The following ASNSD1 variants were observed in gnomAD, a reference collection of about 807,000 sequenced individuals.
The protein encoded by ASNSD1 is asparagine synthetase domain containing 1.
In ASNSD1, 36 loss-of-function variants were observed where a neutral mutation model predicts 48.3. The observed-to-expected ratio is 0.75, with a 90% confidence interval of 0.57 to 0.99. The LOEUF (loss-of-function observed/expected upper bound fraction) is 0.99, where lower values mean the gene tolerates loss of function less well. Among genes scored for constraint, ASNSD1 ranks in the 50% least tolerant of loss-of-function variants. ASNSD1 has a pLI of 0.00. For missense variants in ASNSD1, 714 were observed against 758.2 expected, an observed-to-expected ratio of 0.94 and a Z score of 0.69; for synonymous variants, 257 against 262.1, an observed-to-expected ratio of 0.98 and a Z score of 0.19.
chr2:189,665,496 T>C (rs1204503044), intron 3 of ASNSD1, 45 bp downstream of exon 3: 1 of 392,970 alleles, frequency 2.5e-6, no homozygotes, highest in Non-Finnish European at 4.5e-6. Flanking sequence ...GCCTAAATTA[T>C]ACTCATCTGA....
At chr2:189,669,480 T>C (rs1379800642) in intron 5 of ASNSD1, among the ~76,000 whole-genome samples, 6 of 152,390 alleles carry the variant, frequency 3.9e-5, no homozygotes, top group Non-Finnish European at 4.4e-5. Context: ...TAGATCTAAA[T>C]AATTTATTAC....
chr2:189,665,493 T>C, intron 3 of ASNSD1, 42 bp downstream of exon 3: 1 of 393,722 alleles, frequency 2.5e-6, no homozygotes. Flanking sequence ...GGTGCCTAAA[T>C]TATACTCATC....
chr2:189,665,610 A>ATATATATATATATATATATATATGTG (rs2032776329), intron 3 of ASNSD1, among the ~76,000 whole-genome samples, 159 bp downstream of exon 3: 1 of 20,232 alleles, frequency 4.9e-5, no homozygotes, highest in Non-Finnish European at 1.8e-4. Flanking sequence ...ATATATATAT[A>ATATATATATATATATATATATATGTG]TATATATATA....
In ASNSD1 at chr2:189,667,366, G is replaced by A. The variant is rs754345548; in HGVS notation, c.1234G>A (p.Gly412Arg). ...SVPDRITGRA[G>R]LKELQAVSPS... is the part of the protein sequence containing the mutation. ...ACCAGATCGAATCACAGGAAGGGCGGGACTAAAGGAACTACAAGCTGTTAG... is the reference window on the plus strand; with the variant it reads ...ACCAGATCGAATCACAGGAAGGGCGAGACTAAAGGAACTACAAGCTGTTAG... The change falls in exon 4 of 6, where the codon GGA becomes AGA. Residue 412 changes from glycine (G) to arginine (R), a missense_variant. Physicochemically the swap from Gly to Arg is moderately radical, Grantham distance 125 (BLOSUM62 -2). Transcript: ENST00000260952. 1 of 1,614,132 alleles carries A rather than the reference G, an allele frequency of 6.2e-7. No homozygotes were observed. The highest frequency in any genetic ancestry group is 8.5e-7 in the Non-Finnish European group (1 of 1,180,020).
At chr2:189,664,617 C>T (rs1443486033) in intron 2 of ASNSD1, among the ~76,000 whole-genome samples, 2 of 152,120 alleles carry the variant, frequency 1.3e-5, no homozygotes, top group Non-Finnish European at 2.9e-5. Context: ...ATTAGCCAGG[C>T]GTGTGCCTGT....
chr2:189,667,303 G>A lies in ASNSD1; in HGVS notation c.1171G>A (p.Ala391Thr). The A allele has an allele frequency of 6.2e-7, 1 of 1,614,148 alleles. No homozygotes were observed. Among genetic ancestry groups the A allele is most frequent in the Non-Finnish European group, 8.5e-7 (1 of 1,180,016 alleles). The change falls in exon 4 of 6, where the codon GCT (alanine) becomes ACT (threonine). Residue 391 changes from alanine (A) to threonine (T), a missense_variant. By Grantham distance (58) the Ala-to-Thr change is moderately conservative (BLOSUM62 0). Transcript: ENST00000260952. ...AGAAGAATTCTCTAAAGATGTTGCT[G>A]CTGCTGCTGCTGACAGTCCTAATAA... ...PSEEFSKDVA[A>T]AAADSPNKHV...
At chr2:189,662,137 A>T (rs1390444028) in intron 1 of ASNSD1, among the ~76,000 whole-genome samples, 1 of 152,012 alleles carries the variant, frequency 6.6e-6, no homozygotes. Context: ...CTCCTCATCC[A>T]CCTGTTAGCT....
Position 189,666,717 on chromosome 2 carries a change from A to T in ASNSD1, c.585A>T (p.Gln195His), listed in dbSNP as rs148737403. ...STVISGCIIL[Q>H]LYPWKYISRE... ...TCATTTCCGGATGCATTATTTTACAACTGTATCCTTGGAAATATATTTCTA... is the reference window on the plus strand; with the variant it reads ...TCATTTCCGGATGCATTATTTTACATCTGTATCCTTGGAAATATATTTCTA... The change falls in exon 4 of 6, where the codon CAA (glutamine) becomes CAT (histidine). Residue 195 changes from glutamine to histidine, a missense_variant. Gln to His is a conservative substitution (Grantham distance 24). Transcript: ENST00000260952. The T allele has an allele frequency of 1.7e-5, 27 of 1,612,934 alleles. No homozygotes were observed. The African/African-American group carries it at 3.6e-4, about 22-fold the overall frequency.
At chr2:189,665,596 GTGTATATA>G (rs1422341952) in intron 3 of ASNSD1, 145 bp downstream of exon 3, 2,804 of 111,476 alleles carry the variant, frequency 0.025, 227 homozygotes, top group African/African-American at 0.048. Flanking sequence ...ATATATATAT[GTGTATATA>G]TATATATATA....
intron 4 of ASNSD1, 43 bp downstream of exon 4, chr2:189,667,639 T>A: frequency 6.5e-7 from 1 of 1,549,758 alleles, no homozygotes; most frequent in Non-Finnish European, 8.7e-7. Flanking sequence ...CTGAGACCTA[T>A]TTTTGACCCT....
chr2:189,667,524 C>T lies in ASNSD1; in HGVS notation c.1392C>T (p.Val464=), dbSNP rs373335585. Residue 464 remains valine (V), a synonymous_variant, in exon 4 of 6, where the codon GTC becomes GTT. Coordinates refer to ENST00000260952, the MANE Select transcript of ASNSD1 (RefSeq NM_019048.4). Reference sequence around the variant, plus strand: ...TGGATGATAGCATTGGCTGTGCAGTCTGGTTTGCTTCTAGAGGAATTGGTT... The same window carrying T: ...TGGATGATAGCATTGGCTGTGCAGTTTGGTTTGCTTCTAGAGGAATTGGTT... ...TVLDDSIGCA[V]WFASRGIGWL... The T allele has an allele frequency of 3.7e-6, 6 of 1,614,096 alleles. No individual in the cohort carries two copies. The highest frequency in any genetic ancestry group is 2.2e-5 in the East Asian group (1 of 44,884).
chr2:189,669,099 C>T (rs901049877), intron 5 of ASNSD1, among the ~76,000 whole-genome samples: 2 of 152,204 alleles, frequency 1.3e-5, no homozygotes, highest in African/African-American at 4.8e-5. Context: ...TGTTTCTTGT[C>T]TCTACTTCAG....
In ASNSD1 at chr2:189,666,461, C is replaced by A. The variant is rs1184183041; in HGVS notation, c.329C>A (p.Ser110Ter). The change falls in exon 4 of 6, where the codon TCA (serine) becomes TAA (stop). Residue 110 changes from serine to a stop codon, truncating the protein, a stop_gained. Transcript: ENST00000260952. LOFTEE classifies it high-confidence loss of function. ...SSCKNESEIL[S>*]LFSEVQGPWS... ...TGTAAGAATGAATCTGAGATTTTGT[C>A]ACTCTTCTCAGAAGTACAAGGTCCC... is the stretch of plus-strand genomic sequence containing the variant. 4 of 1,613,546 alleles carry A rather than the reference C, an allele frequency of 2.5e-6. No individual in the cohort carries two copies. Among genetic ancestry groups the A allele is most frequent in the Admixed American group, 1.7e-5 (1 of 59,996 alleles).
Position 189,665,364 on chromosome 2 carries a change from T to C in ASNSD1, c.-168-12T>C. The C allele has an allele frequency of 5.0e-6, 2 of 396,752 alleles. No homozygotes were observed. Among genetic ancestry groups the C allele is most frequent in the Non-Finnish European group, 8.9e-6 (2 of 224,850 alleles). 24.6% of individuals were successfully genotyped at this position (396,752 alleles called of 1,614,324 possible). ...ATCAAAATTTGATATTAGCCTAAAT[T>C]ATGTTTTCCAGAAAGTATATAGGCA... On this transcript the variant is annotated splice_polypyrimidine_tract_variant and intron_variant, in intron 2 of 5. Transcript: ENST00000260952.
rs140770284 is a variant in ASNSD1 at position 189,667,298 on chromosome 2, T to TTGC, written c.1181_1183dup (p.Ala394dup). Reference sequence around the variant, plus strand: ...CCTTCAGAAGAATTCTCTAAAGATGTTGCTGCTGCTGCTGCTGACAGTCCT... The same window carrying TTGC: ...CCTTCAGAAGAATTCTCTAAAGATGTTGCTGCTGCTGCTGCTGCTGACAGTCCT... On this transcript the variant is annotated inframe_insertion, in exon 4 of 6. Transcript: ENST00000260952. 52 of 1,613,920 alleles carry TTGC rather than the reference T, an allele frequency of 3.2e-5. No homozygotes were observed. The highest frequency in any genetic ancestry group is 3.8e-5 in the Non-Finnish European group (45 of 1,179,978).
rs1038741939 is a variant in ASNSD1, at chr2:189,664,052, T to G, written c.-169+98T>G. On this transcript the variant is annotated intron_variant, in intron 2 of 5. Coordinates refer to ENST00000260952, the MANE Select transcript of ASNSD1 (RefSeq NM_019048.4). ...AAGTATATATAAGATTTAATCATAC[T>G]TTAATAAAATGTATAGTATTTCAGC... is the stretch of plus-strand genomic sequence containing the variant. The G allele has an allele frequency of 2.4e-4, 84 of 344,466 alleles. 1 individual carries two copies. Among genetic ancestry groups the G allele is most frequent in the African/African-American group, 1.7e-3 (81 of 47,710 alleles). 21.3% of individuals were successfully genotyped at this position (344,466 alleles called of 1,614,324 possible). A position where few individuals can be genotyped will look rare whatever the true frequency, so the allele number is the denominator to read the frequency against.
chr2:189,665,456 G>GT lies in ASNSD1; in HGVS notation c.-93+11dup. ...AAATGCTGTCTGAGAGCAAGAGTAA[G>GT]TTTTTTCTTTTTTGGGGTTTTTGGG... On this transcript the variant is annotated splice_donor_region_variant and intron_variant, in intron 3 of 5. Coordinates refer to ENST00000260952, the MANE Select transcript of ASNSD1 (RefSeq NM_019048.4). The GT allele has an allele frequency of 2.5e-6, 1 of 397,426 alleles. No homozygotes were observed. Among genetic ancestry groups the GT allele is most frequent in the Non-Finnish European group, 4.4e-6 (1 of 225,504 alleles). 24.6% of individuals were successfully genotyped at this position (397,426 alleles called of 1,614,324 possible). A position where few individuals can be genotyped will look rare whatever the true frequency, so the allele number is the denominator to read the frequency against.
In ASNSD1 at chr2:189,667,035, A is replaced by G; in HGVS notation, c.903A>G (p.Leu301=). 6.2e-7 allele frequency: 1 copy of G among 1,614,140 alleles called. No individual in the cohort carries two copies. Among genetic ancestry groups the G allele is most frequent in the Non-Finnish European group, 8.5e-7 (1 of 1,180,012 alleles). Reference sequence around the variant, plus strand: ...CAGTCAAGAAACGTGTCTTGTGTTTACCTAGGGATGAAAACCTGACAGCAA... The same window carrying G: ...CAGTCAAGAAACGTGTCTTGTGTTTGCCTAGGGATGAAAACCTGACAGCAA... The part of the protein sequence containing the change: ...SVAVKKRVLC[L]PRDENLTANE... The change falls in exon 4 of 6, where the codon TTA becomes TTG. Residue 301 remains leucine, a synonymous_variant. Coordinates refer to ENST00000260952, the MANE Select transcript of ASNSD1 (RefSeq NM_019048.4).
chr2:189,666,072 A>G lies in ASNSD1; in HGVS notation c.-61A>G, dbSNP rs920718672. ...TGGATGAACTGAAAAAAGAATACCA[A>G]GAAATAGAAAACTTAGACAAGACCA... On this transcript the variant is annotated 5_prime_UTR_variant, in exon 4 of 6. Transcript: ENST00000260952. 4.8e-6 allele frequency: 7 copies of G among 1,460,372 alleles called. No homozygotes were observed. Among genetic ancestry groups the G allele is most frequent in the African/African-American group, 1.4e-5 (1 of 70,546 alleles). 90.5% of individuals were successfully genotyped at this position (1,460,372 alleles called of 1,614,324 possible).
Sources: allele counts gnomAD v4.1 joint callset (sites outside exome capture counted in the v4.1 genomes callset), GRCh38; gene constraint gnomAD v4.1.1; transcripts MANE v1.5; gene names NCBI Gene and HGNC (gene_info 2026-07-23, HGNC 2026-07-21).